CELSR3: variants seen among roughly 807,000 people sequenced by gnomAD.
CELSR3 encodes cadherin EGF LAG seven-pass G-type receptor 3.
A neutral mutation model predicts 270.0 loss-of-function variants in CELSR3; 73 were observed. The ratio of observed to expected loss-of-function variants is 0.27; its 90% CI spans 0.22 to 0.33. CELSR3 has a LOEUF of 0.33. Ranked by LOEUF, CELSR3 falls within the 10% of genes least tolerant of loss-of-function variation. The pLI is 1.00. For synonymous variants in CELSR3, 1,780 were observed against 1,905.4 expected (o/e 0.93, Z 1.71); for missense variants, 3,614 against 4,533.8 (o/e 0.80, Z 5.83).
In CELSR3 at chr3:48,646,953, C is replaced by T; in HGVS notation, c.7130-25G>A. 1 of 1,496,838 alleles carries T rather than the reference C, an allele frequency of 6.7e-7. No individual in the cohort carries two copies. Among genetic ancestry groups the T allele is most frequent in the Non-Finnish European group, 8.9e-7 (1 of 1,126,082 alleles). 92.7% of individuals were successfully genotyped at this position (1,496,838 alleles called of 1,614,324 possible). On this transcript the variant is annotated intron_variant, in intron 20 of 34. Coordinates refer to ENST00000164024, the MANE Select transcript of CELSR3 (RefSeq NM_001407.3). The surrounding 1 kb of genome is among the most constrained non-coding windows in gnomAD (Gnocchi z 4.8). ...ACTGCCAGGAGAGAAGGAGGAGCTT[C>T]TGTCAGTGACCTTTGACCCAAAGCA... is the stretch of plus-strand genomic sequence containing the variant.
At chr3:48,656,013 C>G in intron 3 of CELSR3, 127 bp downstream of exon 3, 1 of 1,206,594 alleles carries the variant, frequency 8.3e-7, no homozygotes. Context: ...GTCAGGAGAC[C>G]CCGGGCGGGG....
At chr3:48,643,281 G>C (rs878872711) in intron 28 of CELSR3, 198 bp from the exon 29 acceptor site, 2 of 624,916 alleles carry the variant, frequency 3.2e-6, no homozygotes, top group Middle Eastern at 3.7e-4. Flanking sequence ...AGTCTGTAAG[G>C]TCGGTGTGGA....
rs866309916 is a variant in CELSR3, at chr3:48,640,962, C to T, written c.9025+362G>A. The T allele has an allele frequency of 1.0e-4, 35 of 347,980 alleles. No homozygotes were observed. The highest frequency in any genetic ancestry group is 9.9e-4 in the South Asian group (19 of 19,236). The allele number at this position is 347,980 out of a possible 1,614,324, so 21.6% of individuals were successfully genotyped here. A position where few individuals can be genotyped will look rare whatever the true frequency, so the allele number is the denominator to read the frequency against. On this transcript the variant is annotated intron_variant, in intron 33 of 34. Transcript: ENST00000164024. The surrounding 1 kb of genome is among the most constrained non-coding windows in gnomAD (Gnocchi z 7.5). ...AGGGTGAGGGCAGAAACCTCTTCTC[C>T]GGGTCCCCATAAAAGCAGAGTAGGG...
Position 48,657,024 on chromosome 3 carries a change from A to T in CELSR3, c.4073T>A (p.Val1358Glu), listed in dbSNP as rs773824555. The part of the protein sequence containing the change: ...SSEELQEQLY[V>E]RRAALAARSL... ...GCGAGCCGCCAGCGCCGCCCGGCGC[A>T]CGTACAACTGCTCCTGCAGCTCCTC... The change falls in exon 2 of 35, where the codon GTG (valine) becomes GAG (glutamate). Residue 1358 changes from valine (V) to glutamate (E), a missense_variant. Transcript: ENST00000164024. The surrounding 1 kb of genome is among the most constrained non-coding windows in gnomAD (Gnocchi z 5.4). The T allele has an allele frequency of 1.2e-6, 2 of 1,613,584 alleles. No individual in the cohort carries two copies. Among genetic ancestry groups the T allele is most frequent in the Non-Finnish European group, 1.7e-6 (2 of 1,179,828 alleles).
Position 48,651,558 on chromosome 3 carries a change from C to T in CELSR3, c.6065+19G>A. 1.9e-6 allele frequency: 3 copies of T among 1,589,828 alleles called. No individual in the cohort carries two copies. The highest frequency in any genetic ancestry group is 2.6e-6 in the Non-Finnish European group (3 of 1,165,328). ...TGTCCCTGCCAGGTCTCCCCATCGC[C>T]TCAGCCCCAGCCTCTTACCTGTGCT... On this transcript the variant is annotated intron_variant, in intron 13 of 34. Transcript: ENST00000164024. The surrounding 1 kb of genome is among the most constrained non-coding windows in gnomAD (Gnocchi z 7.4).
chr3:48,656,435 G>C, intron 2 of CELSR3, 70 bp from the exon 3 acceptor site: 1 of 1,334,678 alleles, frequency 7.5e-7, no homozygotes, highest in Non-Finnish European at 9.7e-7. Flanking sequence ...TTCAAAGACC[G>C]CGCGCCCAGA....
Position 48,652,089 on chromosome 3 carries a change from G to A in CELSR3, c.5752-41C>T. On this transcript the variant is annotated intron_variant, in intron 11 of 34. Transcript: ENST00000164024. This position sits in a 1 kb window ranked among gnomAD's most constrained non-coding sequence, Gnocchi z 4.3. ...CAGCAAGGGGTGAGACCATGTTAAG[G>A]CACCTCAGCCTCAAGTACTGCAGAG... The A allele has an allele frequency of 1.3e-6, 2 of 1,486,450 alleles. No homozygotes were observed. The highest frequency in any genetic ancestry group is 1.8e-6 in the Non-Finnish European group (2 of 1,121,374). The allele number at this position is 1,486,450 out of a possible 1,614,324, so 92.1% of individuals were successfully genotyped here.
In CELSR3 at chr3:48,659,228, T is replaced by G; in HGVS notation, c.3407A>C (p.Gln1136Pro). ...GGCCTGCACCACAATCACATATTCT[T>G]GGCGAGCCTCATAGTCTAGGTCAAT... ...ALIDLDYEARQEYVIVVQATS... is the reference protein window; with the variant it reads ...ALIDLDYEARPEYVIVVQATS... Residue 1136 changes from glutamine (Q) to proline (P), a missense_variant, in exon 1 of 35, where the codon CAA (glutamine) becomes CCA (proline). By Grantham distance (76) the Gln-to-Pro change is moderately conservative. Transcript: ENST00000164024. This position sits in a 1 kb window ranked among gnomAD's most constrained non-coding sequence, Gnocchi z 8.1. 1 of 1,614,182 alleles carries G rather than the reference T, an allele frequency of 6.2e-7. No individual in the cohort carries two copies. Among genetic ancestry groups the G allele is most frequent in the South Asian group, 1.1e-5 (1 of 91,076 alleles).
chr3:48,640,175 C>A lies in CELSR3; in HGVS notation c.9410G>T (p.Arg3137Leu). The change falls in exon 34 of 35, where the codon CGC becomes CTC. Residue 3137 changes from arginine (R) to leucine (L), a missense_variant. Arg to Leu is a moderately radical substitution (Grantham distance 102). Coordinates refer to ENST00000164024, the MANE Select transcript of CELSR3 (RefSeq NM_001407.3). This position sits in a 1 kb window ranked among gnomAD's most constrained non-coding sequence, Gnocchi z 7.5. ...PRDYPGAMAG[R>L]FGSRDALDLG... Reference sequence around the variant, plus strand: ...GTCGAGCGCATCCCGTGACCCGAAGCGGCCAGCCATGGCGCCAGGGTAGTC... The same window carrying A: ...GTCGAGCGCATCCCGTGACCCGAAGAGGCCAGCCATGGCGCCAGGGTAGTC... The A allele has an allele frequency of 5.6e-6, 9 of 1,612,678 alleles. No homozygotes were observed. Among genetic ancestry groups the A allele is most frequent in the Non-Finnish European group, 7.6e-6 (9 of 1,179,940 alleles).
rs1344673768 is a variant in CELSR3 at position 48,662,113 on chromosome 3, G to A, written c.522C>T (p.Asp174=). 6.2e-6 allele frequency: 10 copies of A among 1,613,730 alleles called. No homozygotes were observed. Among genetic ancestry groups the A allele is most frequent in the Middle Eastern group, 1.6e-4 (1 of 6,084 alleles). ...GSGNSSPLPS[D]FLIRHHGPKP... ...TGGGACCGTGGTGCCGAATCAAAAA[G>A]TCTGAAGGGAGGGGCGAGCTGTTCC... The change falls in exon 1 of 35, where the codon GAC becomes GAT. Residue 174 remains aspartate, a synonymous_variant. Coordinates refer to ENST00000164024, the MANE Select transcript of CELSR3 (RefSeq NM_001407.3). The surrounding 1 kb of genome is among the most constrained non-coding windows in gnomAD (Gnocchi z 7.1).
In CELSR3 at chr3:48,645,700, C is replaced by T. The variant is rs765176803; in HGVS notation, c.7590+42G>A. The T allele has an allele frequency of 1.2e-6, 2 of 1,600,512 alleles. No individual in the cohort carries two copies. Among genetic ancestry groups the T allele is most frequent in the South Asian group, 2.2e-5 (2 of 90,618 alleles). ...GTTGTTGGGCAGAATCCCCGTGTCC[C>T]TTTGACCCCCCACTTCCTTGGGACA... On this transcript the variant is annotated intron_variant, in intron 23 of 34. Coordinates refer to ENST00000164024, the MANE Select transcript of CELSR3 (RefSeq NM_001407.3). This position sits in a 1 kb window ranked among gnomAD's most constrained non-coding sequence, Gnocchi z 5.4.
Position 48,662,527 on chromosome 3 carries a change from GC to G in CELSR3, c.107del (p.Gly36AlafsTer11). 6.2e-7 allele frequency: 1 copy of G among 1,606,592 alleles called. No homozygotes were observed. The highest frequency in any genetic ancestry group is 8.5e-7 in the Non-Finnish European group (1 of 1,176,258). On this transcript the variant is annotated frameshift_variant, in exon 1 of 35. Transcript: ENST00000164024. LOFTEE classifies it high-confidence loss of function. This position sits in a 1 kb window ranked among gnomAD's most constrained non-coding sequence, Gnocchi z 7.1. The part of the protein sequence containing the change: ...LFPLSQEELG[G>X]GGHQGWDPGL... ...CTGGGTCCCAGCCCTGGTGCCCACC[GC>G]CCCCCAGCTCCTCCTGGCTGAGGGG...
rs1219164472 is a variant in CELSR3 at position 48,656,862 on chromosome 3, G to C, written c.4235C>G (p.Pro1412Arg). 1 of 1,609,588 alleles carries C rather than the reference G, an allele frequency of 6.2e-7. No homozygotes were observed. The highest frequency in any genetic ancestry group is 8.5e-7 in the Non-Finnish European group (1 of 1,178,036). ...FLASASTLFR[P>R]IQPIAGLRCR... ...GCGCAGGCCAGCGATGGGCTGGATG[G>C]GTCGGAACAGCGTGGAGGCCGAGGC... The change falls in exon 2 of 35, where the codon CCC becomes CGC. Residue 1412 changes from proline (P) to arginine (R), a missense_variant. By Grantham distance (103) the Pro-to-Arg change is moderately radical. This residue lies in a region of CELSR3 where 1,331 missense variants were observed against 1,933.7 expected (regional missense o/e 0.69). Coordinates refer to ENST00000164024, the MANE Select transcript of CELSR3 (RefSeq NM_001407.3).
At position 48,661,046 on chromosome 3, in the gene CELSR3, C is replaced by T. The variant is rs770556706; in HGVS notation, c.1589G>A (p.Arg530His). 72 of 1,613,694 alleles carry T rather than the reference C, an allele frequency of 4.5e-5. No individual in the cohort carries two copies. The Admixed American group carries it at 1.2e-3, about 26-fold the overall frequency. ...QEPGPRSATV[R>H]VHITVLDEND... ...CTCGTCTAGCACAGTTATGTGTACG[C>T]GCACAGTGGCCGAGCGCGGCCCGGG... Residue 530 changes from arginine to histidine, a missense_variant, in exon 1 of 35, where the codon CGC (arginine) becomes CAC (histidine). By Grantham distance (29) the Arg-to-His change is conservative (BLOSUM62 0). Transcript: ENST00000164024.
chr3:48,643,583 A>G lies in CELSR3; in HGVS notation c.8260T>C (p.Tyr2754His), dbSNP rs1288376448. 1 of 1,550,998 alleles carries G rather than the reference A, an allele frequency of 6.4e-7. No individual in the cohort carries two copies. The highest frequency in any genetic ancestry group is 2.0e-5 in the Admixed American group (1 of 50,986). Reference sequence around the variant, plus strand: ...AGGCCGCAGAGTCCAGCATGGAGGTAGTGGAAGGCTAGGATGCTGTGGTTG... The same window carrying G: ...AGGCCGCAGAGTCCAGCATGGAGGTGGTGGAAGGCTAGGATGCTGTGGTTG... ...AVNHSILAFH[Y>H]LHAGLCGLQG... Residue 2754 changes from tyrosine (Y) to histidine (H), a missense_variant, in exon 28 of 35, where the codon TAC (tyrosine) becomes CAC (histidine). By Grantham distance (83) the Tyr-to-His change is moderately conservative. Transcript: ENST00000164024.
At position 48,657,651 on chromosome 3, in the gene CELSR3, C is replaced by T. The variant is rs115459806; in HGVS notation, c.3749-303G>A. Among the ~76,000 whole-genome samples, 1 of 152,160 alleles carries T rather than the reference C, an allele frequency of 6.6e-6. No homozygotes were observed. The highest frequency in any genetic ancestry group is 1.5e-5 in the Non-Finnish European group (1 of 68,032). On this transcript the variant is annotated intron_variant, in intron 1 of 34. Coordinates refer to ENST00000164024, the MANE Select transcript of CELSR3 (RefSeq NM_001407.3). This position sits in a 1 kb window ranked among gnomAD's most constrained non-coding sequence, Gnocchi z 5.4. ...CACTCCCGCAACAGCACTCAAGTACCCTAAGTACTCAGTAACCCACACTTC... is the reference window on the plus strand; with the variant it reads ...CACTCCCGCAACAGCACTCAAGTACTCTAAGTACTCAGTAACCCACACTTC...
At chr3:48,648,155 A>C (rs1160388704) in intron 19 of CELSR3, 111 bp downstream of exon 19, 3 of 1,412,122 alleles carry the variant, frequency 2.1e-6, no homozygotes, top group Non-Finnish European at 2.9e-6. Flanking sequence ...GCGGTGGCTG[A>C]GTCTCCTGCC....
rs921516913 is a variant in CELSR3 at position 48,652,941 on chromosome 3, C to G, written c.5634+61G>C. 2.1e-6 allele frequency: 3 copies of G among 1,438,856 alleles called. No individual in the cohort carries two copies. The African/African-American group carries it at 4.2e-5, about 20-fold the overall frequency. 89.1% of individuals were successfully genotyped at this position (1,438,856 alleles called of 1,614,324 possible). A position where few individuals can be genotyped will look rare whatever the true frequency, so the allele number is the denominator to read the frequency against. ...AGAGGAGCTGGACTAGAGGTGGGGT[C>G]AAATAAGGCGGATCTGGTTGGAAGG... On this transcript the variant is annotated intron_variant, in intron 10 of 34. Transcript: ENST00000164024. This position sits in a 1 kb window ranked among gnomAD's most constrained non-coding sequence, Gnocchi z 4.3.
At position 48,651,120 on chromosome 3, in the gene CELSR3, TG is replaced by T. The variant is rs1237944209; in HGVS notation, c.6187-46del. The T allele has an allele frequency of 2.0e-6, 3 of 1,523,842 alleles. No homozygotes were observed. Among genetic ancestry groups the T allele is most frequent in the Non-Finnish European group, 1.8e-6 (2 of 1,131,902 alleles). The allele number at this position is 1,523,842 out of a possible 1,614,324, so 94.4% of individuals were successfully genotyped here. On this transcript the variant is annotated intron_variant, in intron 14 of 34. Transcript: ENST00000164024. This position sits in a 1 kb window ranked among gnomAD's most constrained non-coding sequence, Gnocchi z 7.4. ...GGGCCTGAAGTCAGAGGTCAGGGCTTGGGGAATGAGTGGAATCAAGGATAAA... is the reference window on the plus strand; with the variant it reads ...GGGCCTGAAGTCAGAGGTCAGGGCTTGGGAATGAGTGGAATCAAGGATAAA...
Sources: gnomAD v4.1 joint callset for allele counts (sites outside exome capture counted in the v4.1 genomes callset) on GRCh38, gnomAD v4.1.1 for gene constraint, gnomAD v4.1.1 regional missense constraint, Gnocchi (gnomAD v3.1) non-coding constraint, MANE v1.5 for transcripts, NCBI Gene and HGNC (gene_info 2026-07-23, HGNC 2026-07-21) for gene names.